The following TP63 variants were observed in gnomAD, a reference collection of about 807,000 sequenced individuals.
The protein encoded by TP63 is tumor protein p63.
A neutral mutation model predicts 82.8 loss-of-function variants in TP63; 17 were observed. That is an observed-to-expected ratio of 0.21 (90% confidence interval 0.14 to 0.31). The LOEUF (loss-of-function observed/expected upper bound fraction) is 0.31, where lower values mean the gene tolerates loss of function less well. Among genes scored for constraint, TP63 ranks in the 10% least tolerant of loss-of-function variants. The probability of loss-of-function intolerance (pLI) is 1.00; values close to 1 mark genes in which losing one functional copy is unlikely to be tolerated. For missense variants in TP63, 648 were observed against 895.3 expected (o/e 0.72, Z 3.52); for synonymous variants, 330 against 321.7 (o/e 1.03, Z -0.28).
intron 3 of TP63, among the ~76,000 whole-genome samples, chr3:189,789,500 G>A (rs998998277): frequency 2.6e-5 from 4 of 151,570 alleles, no homozygotes; most frequent in Non-Finnish European, 4.4e-5. Context: ...TTAAAGATTG[G>A]TGATAAGGAA....
rs2108874743 is a variant in TP63 at position 189,894,447 on chromosome 3, T to A, written c.1988T>A (p.Phe663Tyr). ...PPRDEWNDFNFDMDARRNKQQ... is the reference protein window; with the variant it reads ...PPRDEWNDFNYDMDARRNKQQ... ...CGAGATGAGTGGAATGACTTCAACT[T>A]TGACATGGATGCTCGCCGCAATAAG... Residue 663 changes from phenylalanine to tyrosine, a missense_variant, in exon 14 of 14, where the codon TTT becomes TAT. Around this residue, in one of 5 missense-constraint regions of TP63, gnomAD observed 342 missense variants for 425.7 expected, o/e 0.80. Coordinates refer to ENST00000264731, the MANE Select transcript of TP63 (RefSeq NM_003722.5). 6.2e-7 allele frequency: 1 copy of A among 1,613,974 alleles called. No homozygotes were observed. Among genetic ancestry groups the A allele is most frequent in the South Asian group, 1.1e-5 (1 of 91,052 alleles).
chr3:189,715,618 C>G (rs564085559), intron 1 of TP63, among the ~76,000 whole-genome samples: 5 of 152,304 alleles, frequency 3.3e-5, no homozygotes, highest in African/African-American at 1.2e-4. Context: ...AACCGTCTCT[C>G]TGGTGGTTTG....
rs1438373831 is a variant in TP63 at position 189,750,127 on chromosome 3, A to G, written c.324+11353A>G. ...TGACAGGGTGAGACTCTGTCTCAGA[A>G]AAAAAAAAAAAAAAAAAGGAATGAA... is the stretch of plus-strand genomic sequence containing the variant. On this transcript the variant is annotated intron_variant, in intron 3 of 13. Coordinates refer to ENST00000264731, the MANE Select transcript of TP63 (RefSeq NM_003722.5). Among the ~76,000 whole-genome samples the G allele has an allele frequency of 1.7e-4, 6 of 36,128 alleles. No homozygotes were observed. In the East Asian group the frequency reaches 3.0e-3, roughly 18 times the overall value. The allele number at this position is 36,128 out of a possible 152,430, so 23.7% of individuals were successfully genotyped here.
rs191198405 is a variant in TP63 at position 189,794,244 on chromosome 3, A to G, written c.325-14028A>G. ...GAGCATCAATTATATGTAAAATGGT[A>G]TATAGGATCTAAAAATAATTAAGAA... On this transcript the variant is annotated intron_variant, in intron 3 of 13. Transcript: ENST00000264731. Among the ~76,000 whole-genome samples the G allele has an allele frequency of 2.2e-4, 34 of 152,214 alleles. 1 individual carries two copies. The highest frequency in any genetic ancestry group is 4.4e-5 in the Non-Finnish European group (3 of 67,964).
chr3:189,808,954 A>T (rs1298625209), intron 4 of TP63, among the ~76,000 whole-genome samples: 1 of 152,206 alleles, frequency 6.6e-6, no homozygotes, highest in East Asian at 1.9e-4. Context: ...GTAAAATAAT[A>T]AATATAGTGT....
chr3:189,886,316 C>CAGAG (rs1720437152), intron 10 of TP63, 78 bp from the exon 11 acceptor site: 1 of 1,500,332 alleles, frequency 6.7e-7, no homozygotes, highest in African/African-American at 1.4e-5. Context: ...ATGTTTTAAA[C>CAGAG]AGAGACCTGT....
At chr3:189,650,140 A>G (rs1299355793) in intron 1 of TP63, among the ~76,000 whole-genome samples, 1 of 146,586 alleles carries the variant, frequency 6.8e-6, no homozygotes, top group East Asian at 2.4e-4. Flanking sequence ...CATCCATAGG[A>G]GGGCATCTGG....
chr3:189,754,981 A>G (rs1722081330), intron 3 of TP63, among the ~76,000 whole-genome samples: 2 of 152,058 alleles, frequency 1.3e-5, no homozygotes, highest in African/African-American at 4.8e-5. Flanking sequence ...GGGCTTTATG[A>G]TGTATGATTT....
chr3:189,682,547 AAAAAAAATATATATATATATATATATAT>A (rs1445189585), intron 1 of TP63, among the ~76,000 whole-genome samples: 1,087 of 27,738 alleles, frequency 0.039, 33 homozygotes, highest in African/African-American at 0.093. Flanking sequence ...AAAAAAAAAA[AAAAAAAATATATATATATATATATATAT>A]ATATATATAT....
intron 1 of TP63, among the ~76,000 whole-genome samples, chr3:189,661,755 A>G (rs1713902156): frequency 6.6e-6 from 1 of 151,966 alleles, no homozygotes; most frequent in African/African-American, 2.4e-5. Flanking sequence ...AGAACTCAAT[A>G]TTGGCCACTT....
At chr3:189,719,258 T>A (rs1719193457) in intron 1 of TP63, among the ~76,000 whole-genome samples, 1 of 152,206 alleles carries the variant, frequency 6.6e-6, no homozygotes, top group African/African-American at 2.4e-5. Flanking sequence ...CATACTCAGA[T>A]CATTTATTTT....
At chr3:189,720,755 A>AAG (rs1719326601) in intron 1 of TP63, among the ~76,000 whole-genome samples, 2 of 150,008 alleles carry the variant, frequency 1.3e-5, no homozygotes, top group Non-Finnish European at 1.5e-5. Context: ...AAAAAAAAAA[A>AAG]AAGAAGAAGA....
chr3:189,870,548 G>A (rs1179303032), intron 9 of TP63, among the ~76,000 whole-genome samples: 3 of 152,158 alleles, frequency 2.0e-5, no homozygotes, highest in Non-Finnish European at 4.4e-5. Flanking sequence ...GGGGTGGGTA[G>A]TCCTGGAATC....
intron 4 of TP63, among the ~76,000 whole-genome samples, chr3:189,814,928 C>T (rs940229137): frequency 6.6e-6 from 1 of 152,132 alleles, no homozygotes; most frequent in Non-Finnish European, 1.5e-5. Flanking sequence ...TGATTTATTG[C>T]ATGTGAACAT....
At chr3:189,816,095 G>C (rs13074619) in intron 4 of TP63, among the ~76,000 whole-genome samples, 55,987 of 152,012 alleles carry the variant, frequency 0.37, 10,483 homozygotes, top group East Asian at 0.55. Context: ...GTTGCACTCA[G>C]AAAAGAGCTT....
intron 4 of TP63, among the ~76,000 whole-genome samples, chr3:189,816,861 C>T (rs533540124): frequency 3.9e-5 from 6 of 152,044 alleles, no homozygotes; most frequent in East Asian, 3.9e-4. Flanking sequence ...AAGCCCCCCA[C>T]GTGAAATTTA....
At chr3:189,861,032 A>G (rs759255208) in intron 4 of TP63, among the ~76,000 whole-genome samples, 3 of 152,050 alleles carry the variant, frequency 2.0e-5, no homozygotes, top group Admixed American at 1.3e-4. Context: ...CTCAGTGTCC[A>G]TTATTTCCAT....
the TP63 span, among the ~76,000 whole-genome samples, chr3:189,624,476 G>C: frequency 7.2e-5 from 11 of 152,182 alleles, no homozygotes; most frequent in Middle Eastern, 3.4e-3. Flanking sequence ...TAAAATCATA[G>C]ACTCTTGGGG....
intron 11 of TP63, among the ~76,000 whole-genome samples, chr3:189,887,925 C>T (rs979171314): frequency 7.4e-5 from 11 of 149,460 alleles, no homozygotes; most frequent in South Asian, 4.3e-4. Flanking sequence ...GGCGCAATCT[C>T]GGCTCACTGT....
Sources: gnomAD v4.1 joint callset for allele counts (sites outside exome capture counted in the v4.1 genomes callset) on GRCh38, gnomAD v4.1.1 for gene constraint, gnomAD v4.1.1 regional missense constraint, MANE v1.5 for transcripts, NCBI Gene and HGNC (gene_info 2026-07-23, HGNC 2026-07-21) for gene names.